The following TLCD3B variants were observed in gnomAD, a reference collection of about 807,000 sequenced individuals.
TLCD3B encodes ceramide synthase.
In TLCD3B, 9 loss-of-function variants were observed where a neutral mutation model predicts 23.0. The observed-to-expected ratio is 0.39, with a 90% CI of 0.24 to 0.68. The LOEUF (loss-of-function observed/expected upper bound fraction) is 0.68, where lower values mean the gene tolerates loss of function less well. TLCD3B is among the 30% of genes least tolerant of loss of function. The probability of loss-of-function intolerance (pLI) is 0.44; values close to 1 mark genes in which losing one functional copy is unlikely to be tolerated. For missense variants in TLCD3B, 307 were observed against 371.8 expected (o/e 0.83, Z 1.43); for synonymous variants, 161 against 161.0 (o/e 1.00, Z 0.00).
In TLCD3B at chr16:30,025,004, G is replaced by A. The variant is rs948272100; in HGVS notation, c.*179C>T. 2 of 539,782 alleles carry A rather than the reference G, an allele frequency of 3.7e-6. No homozygotes were observed. The allele number at this position is 539,782 out of a possible 1,614,324, so 33.4% of individuals were successfully genotyped here. A position where few individuals can be genotyped will look rare whatever the true frequency, so the allele number is the denominator to read the frequency against. ...GGAAGGGGGCAGAGTAGGGGGAAGA[G>A]GTCCCCTCTCTCCACCCCCTCAGTC... On this transcript the variant is annotated 3_prime_UTR_variant, in exon 5 of 5. Transcript: ENST00000380495. This position sits in a 1 kb window ranked among gnomAD's most constrained non-coding sequence, Gnocchi z 4.1.
chr16:30,050,124 C>T (rs1036642096), intron 1 of TLCD3B, among the ~76,000 whole-genome samples: 1 of 152,152 alleles, frequency 6.6e-6, no homozygotes, highest in Non-Finnish European at 1.5e-5. Flanking sequence ...TGTCCAGGGG[C>T]CTTGCCAAGG....
In TLCD3B at chr16:30,025,111, C is replaced by G. The variant is rs2071047780; in HGVS notation, c.*72G>C. The stretch of plus-strand genomic sequence containing the variant: ...GGCAAGAGGACCCTGGCTCCCAACC[C>G]CAGCCATCAGCCCCAGAGCCCTGTC... On this transcript the variant is annotated 3_prime_UTR_variant, in exon 5 of 5. Coordinates refer to ENST00000380495, the MANE Select transcript of TLCD3B (RefSeq NM_031478.6). The surrounding 1 kb of genome is among the most constrained non-coding windows in gnomAD (Gnocchi z 4.1). 1 of 1,101,322 alleles carries G rather than the reference C, an allele frequency of 9.1e-7. No individual in the cohort carries two copies. The highest frequency in any genetic ancestry group is 1.2e-6 in the Non-Finnish European group (1 of 800,820). 68.2% of individuals were successfully genotyped at this position (1,101,322 alleles called of 1,614,324 possible).
chr16:30,029,629 A>C lies in TLCD3B; in HGVS notation c.126-114T>G, dbSNP rs918569860. 2.2e-6 allele frequency: 2 copies of C among 911,484 alleles called. No homozygotes were observed. The highest frequency in any genetic ancestry group is 3.3e-5 in the African/African-American group (2 of 61,056). The allele number at this position is 911,484 out of a possible 1,614,324, so 56.5% of individuals were successfully genotyped here. ...TTTGCGTTCAGCCACTTCTCGGGCC[A>C]GTCCTTGCCTGCCTTCGCCCAAGGC... On this transcript the variant is annotated intron_variant, in intron 1 of 4. Coordinates refer to ENST00000380495, the MANE Select transcript of TLCD3B (RefSeq NM_031478.6). This position sits in a 1 kb window ranked among gnomAD's most constrained non-coding sequence, Gnocchi z 4.6.
chr16:30,050,941 C>T (rs773607600), intron 1 of TLCD3B, among the ~76,000 whole-genome samples: 5 of 152,028 alleles, frequency 3.3e-5, no homozygotes, highest in East Asian at 1.9e-4. Flanking sequence ...CTTGTGTGAG[C>T]GTGCATGTGT....
rs2071736827 is a variant in TLCD3B at position 30,050,713 on chromosome 16, T to TCCC, written c.-294+2060_-294+2061insGGG. On this transcript the variant is annotated intron_variant, in intron 1 of 6. Coordinates refer to the TLCD3B transcript ENST00000561666. ...GGTGGCTGAGACCACCTCAGTATGG[T>TCCC]TGACAGTGGGAGGGAAGATTTGGAT... Among the ~76,000 whole-genome samples the TCCC allele has an allele frequency of 2.0e-5, 3 of 151,984 alleles. No individual in the cohort carries two copies. In the South Asian group the frequency reaches 6.2e-4, roughly 32 times the overall value.
At chr16:30,044,803 G>A (rs1041073429) in intron 2 of TLCD3B, among the ~76,000 whole-genome samples, 13 of 152,132 alleles carry the variant, frequency 8.5e-5, no homozygotes, top group African/African-American at 1.7e-4. Context: ...AGATCAGGCC[G>A]GGCGCAGTGG....
At chr16:30,047,257 C>T in intron 1 of TLCD3B, among the ~76,000 whole-genome samples, 1 of 152,106 alleles carries the variant, frequency 6.6e-6, no homozygotes, top group East Asian at 1.9e-4. Flanking sequence ...CCACCTCAGC[C>T]TCCTGAGTAG....
chr16:30,030,870 GA>G lies in TLCD3B; in HGVS notation c.-344del. On this transcript the variant is annotated 5_prime_UTR_variant, in exon 1 of 5. Transcript: ENST00000380495. The stretch of plus-strand genomic sequence containing the variant: ...GGAGGAGGATGCGGATGGGGGAGGG[GA>G]GGGAGCCACCAGGCAGGTGGGGAGG... 1 of 784,168 alleles carries G rather than the reference GA, an allele frequency of 1.3e-6. No homozygotes were observed. The highest frequency in any genetic ancestry group is 1.5e-6 in the Non-Finnish European group (1 of 646,574). 48.6% of individuals were successfully genotyped at this position (784,168 alleles called of 1,614,324 possible).
chr16:30,036,866 C>T, intron 3 of TLCD3B, among the ~76,000 whole-genome samples: 1 of 151,900 alleles, frequency 6.6e-6, no homozygotes. Flanking sequence ...GAGTGGGTCA[C>T]CTGCGGTCAG....
Position 30,030,440 on chromosome 16 carries a change from G to A in TLCD3B, c.88C>T (p.Arg30Cys), listed in dbSNP as rs371819912. ...KNTLQRLPQL[R>C]WEEADAVIVS... ...ATGACTGCGTCGGCCTCCTCCCAGC[G>A]TAGCTGGGGCAGCCGCTGGAGCGTG... is the stretch of plus-strand genomic sequence containing the variant. Residue 30 changes from arginine to cysteine, a missense_variant, in exon 1 of 5, where the codon CGC becomes TGC. Coordinates refer to ENST00000380495, the MANE Select transcript of TLCD3B (RefSeq NM_031478.6). 4.4e-5 allele frequency: 71 copies of A among 1,603,326 alleles called. No homozygotes were observed. The highest frequency in any genetic ancestry group is 9.4e-5 in the African/African-American group (7 of 74,494).
At position 30,024,995 on chromosome 16, in the gene TLCD3B, G is replaced by T. The variant is rs1567293826; in HGVS notation, c.*188C>A. 1 of 531,298 alleles carries T rather than the reference G, an allele frequency of 1.9e-6. No individual in the cohort carries two copies. The highest frequency in any genetic ancestry group is 3.3e-6 in the Non-Finnish European group (1 of 306,228). The allele number at this position is 531,298 out of a possible 1,614,324, so 32.9% of individuals were successfully genotyped here. A position where few individuals can be genotyped will look rare whatever the true frequency, so the allele number is the denominator to read the frequency against. On this transcript the variant is annotated 3_prime_UTR_variant, in exon 5 of 5. Coordinates refer to ENST00000380495, the MANE Select transcript of TLCD3B (RefSeq NM_031478.6). ...GGGTGTGCAGGAAGGGGGCAGAGTA[G>T]GGGGAAGAGGTCCCCTCTCTCCACC...
chr16:30,029,711 G>T lies in TLCD3B; in HGVS notation c.126-196C>A, dbSNP rs2071295379. ...ACCTCACGGCTCTCCGGCCCGCTCGGCTGCTGTTCCTCAGTCCACCCCACT... is the reference window on the plus strand; with the variant it reads ...ACCTCACGGCTCTCCGGCCCGCTCGTCTGCTGTTCCTCAGTCCACCCCACT... On this transcript the variant is annotated intron_variant, in intron 1 of 4. Transcript: ENST00000380495. The surrounding 1 kb of genome is among the most constrained non-coding windows in gnomAD (Gnocchi z 4.6). Among the ~76,000 whole-genome samples the T allele has an allele frequency of 6.6e-6, 1 of 152,196 alleles. No individual in the cohort carries two copies. Among genetic ancestry groups the T allele is most frequent in the Non-Finnish European group, 1.5e-5 (1 of 68,026 alleles).
chr16:30,051,005 G>T (rs886956354), intron 1 of TLCD3B, among the ~76,000 whole-genome samples: 1 of 152,110 alleles, frequency 6.6e-6, no homozygotes, highest in Admixed American at 6.6e-5. Flanking sequence ...GGAATGAAAC[G>T]GGGAGGTCTG....
At position 30,025,829 on chromosome 16, in the gene TLCD3B, C is replaced by T; in HGVS notation, c.445-8G>A. ...CTTACCCTGTCGCCACACCTGGGCA[C>T]AGAGGCAGGAAGGTGAGGAGCTGGG... is the stretch of plus-strand genomic sequence containing the variant. On this transcript the variant is annotated splice_region_variant and splice_polypyrimidine_tract_variant and intron_variant, in intron 3 of 4. Coordinates refer to ENST00000380495, the MANE Select transcript of TLCD3B (RefSeq NM_031478.6). The surrounding 1 kb of genome is among the most constrained non-coding windows in gnomAD (Gnocchi z 4.1). 1.9e-6 allele frequency: 3 copies of T among 1,612,048 alleles called. No homozygotes were observed. Among genetic ancestry groups the T allele is most frequent in the Non-Finnish European group, 2.5e-6 (3 of 1,178,450 alleles).
chr16:30,050,064 A>G (rs2071727690), intron 1 of TLCD3B, among the ~76,000 whole-genome samples: 2 of 152,320 alleles, frequency 1.3e-5, no homozygotes, highest in South Asian at 2.1e-4. Context: ...AGCCCATGGT[A>G]GGAACAAAAC....
At chr16:30,027,695 T>C (rs1383436974) in intron 2 of TLCD3B, 1 of 454,770 alleles carries the variant, frequency 2.2e-6, no homozygotes, top group Non-Finnish European at 4.4e-6. Flanking sequence ...AAACGAGAAA[T>C]GGATGAATAG....
At chr16:30,034,269 C>G (rs1379890204), upstream of TLCD3B, among the ~76,000 whole-genome samples, 2 of 151,086 alleles carry the variant, frequency 1.3e-5, no homozygotes, top group East Asian at 3.9e-4. Flanking sequence ...CACAGTGAGA[C>G]TCTGTCTCAA....
At position 30,024,896 on chromosome 16, in the gene TLCD3B, T is replaced by G; in HGVS notation, c.*287A>C. 6 of 361,550 alleles carry G rather than the reference T, an allele frequency of 1.7e-5. No homozygotes were observed. Among genetic ancestry groups the G allele is most frequent in the East Asian group, 9.6e-5 (2 of 20,804 alleles). The allele number at this position is 361,550 out of a possible 1,614,324, so 22.4% of individuals were successfully genotyped here. A position where few individuals can be genotyped will look rare whatever the true frequency, so the allele number is the denominator to read the frequency against. ...GACTCCTGGTCCCCTTGAAACCCTG[T>G]TGGTGTCCCTCCCCACAAGCCCTCC... On this transcript the variant is annotated 3_prime_UTR_variant, in exon 5 of 5. Coordinates refer to ENST00000380495, the MANE Select transcript of TLCD3B (RefSeq NM_031478.6).
At chr16:30,036,417 G>T in intron 3 of TLCD3B, 2 of 1,276,174 alleles carry the variant, frequency 1.6e-6, no homozygotes, top group East Asian at 5.6e-5. Context: ...CTACTCTGGG[G>T]AGCAGAGGTG....
Sources: allele counts gnomAD v4.1 joint callset (sites outside exome capture counted in the v4.1 genomes callset), GRCh38; gene constraint gnomAD v4.1.1; non-coding constraint Gnocchi (gnomAD v3.1); transcripts MANE v1.5; gene names NCBI Gene and HGNC (gene_info 2026-07-23, HGNC 2026-07-21).